The following GRIK2 variants were observed in gnomAD, a reference collection of about 807,000 sequenced individuals.
GRIK2 encodes the protein glutamate ionotropic receptor kainate type subunit 2.
GRIK2 carries 32 observed loss-of-function variants against 100.3 expected under a neutral mutation model. That is an observed-to-expected ratio of 0.32 (90% CI 0.24 to 0.43). GRIK2 has a LOEUF of 0.43. Among genes scored for constraint, GRIK2 ranks in the 20% least tolerant of loss-of-function variants. GRIK2 has a pLI of 1.00. For synonymous variants in GRIK2, 417 were observed against 389.4 expected (o/e 1.07, Z -0.83); for missense variants, 843 against 1,114.9 (o/e 0.76, Z 3.47).
At chr6:101,970,859 A>C (rs1322658684) in intron 14 of GRIK2, among the ~76,000 whole-genome samples, 2 of 150,860 alleles carry the variant, frequency 1.3e-5, no homozygotes, top group Non-Finnish European at 2.9e-5. Flanking sequence ...TTGAAAAAAC[A>C]AATTTTGCAG....
intron 14 of GRIK2, among the ~76,000 whole-genome samples, chr6:102,019,388 T>C (rs1347616183): frequency 6.6e-6 from 1 of 152,038 alleles, no homozygotes; most frequent in East Asian, 1.9e-4. Flanking sequence ...ATGCTAACTG[T>C]AAAATGCACT....
At chr6:101,553,289 G>C (rs1001624683) in intron 2 of GRIK2, among the ~76,000 whole-genome samples, 1 of 152,134 alleles carries the variant, frequency 6.6e-6, no homozygotes, top group Non-Finnish European at 1.5e-5. Flanking sequence ...TAAAAGGTTA[G>C]GGTGTATCAA....
chr6:101,623,769 T>C (rs1310721828), intron 3 of GRIK2, among the ~76,000 whole-genome samples: 1 of 152,188 alleles, frequency 6.6e-6, no homozygotes, highest in East Asian at 1.9e-4. Context: ...CATTTCACTT[T>C]GGCTTGAAGC....
chr6:101,871,609 A>T (rs898520559), intron 11 of GRIK2, among the ~76,000 whole-genome samples: 1 of 151,934 alleles, frequency 6.6e-6, no homozygotes, highest in Non-Finnish European at 1.5e-5. Flanking sequence ...AGCTCCCATT[A>T]TAAGTGAGAA....
chr6:101,695,647 A>G (rs2128349365), intron 7 of GRIK2, among the ~76,000 whole-genome samples: 1 of 152,204 alleles, frequency 6.6e-6, no homozygotes, highest in East Asian at 1.9e-4. Flanking sequence ...TACACTCAGT[A>G]TATGCAAATG....
At chr6:102,026,236 CGA>C (rs1409815500) in intron 14 of GRIK2, among the ~76,000 whole-genome samples, 1 of 147,038 alleles carries the variant, frequency 6.8e-6, no homozygotes, top group African/African-American at 2.5e-5. Context: ...AAACAAGCAA[CGA>C]GAATAAATTC....
chr6:101,781,736 T>A (rs190566665), intron 7 of GRIK2, among the ~76,000 whole-genome samples: 1 of 152,172 alleles, frequency 6.6e-6, no homozygotes, highest in African/African-American at 2.4e-5. Context: ...TATCTTATCC[T>A]TCATATGTTC....
chr6:101,492,515 AT>A (rs1370334332), intron 2 of GRIK2, among the ~76,000 whole-genome samples: 10 of 151,838 alleles, frequency 6.6e-5, no homozygotes, highest in Non-Finnish European at 8.8e-5. Flanking sequence ...AATTAATGTT[AT>A]TATTCTTTTG....
chr6:101,555,619 G>T (rs1184618939), intron 2 of GRIK2, among the ~76,000 whole-genome samples: 1 of 152,102 alleles, frequency 6.6e-6, no homozygotes, highest in African/African-American at 2.4e-5. Flanking sequence ...TCTAAAAAGA[G>T]AATTTATAAA....
chr6:101,719,138 G>GTTTTTTTTTTTTTTTTTTTTTT (rs60301711), intron 7 of GRIK2, among the ~76,000 whole-genome samples: 2 of 101,150 alleles, frequency 2.0e-5, no homozygotes, highest in Admixed American at 1.0e-4. Flanking sequence ...GGCTGCAAGG[G>GTTTTTTTTTTTTTTTTTTTTTT]TTTTTTTTTT....
chr6:101,590,066 A>T (rs1465876703), intron 2 of GRIK2, among the ~76,000 whole-genome samples: 1 of 152,138 alleles, frequency 6.6e-6, no homozygotes, highest in African/African-American at 2.4e-5. Context: ...CTCAGGATAC[A>T]TTTAGGCATA....
chr6:101,722,732 T>A (rs944001070), intron 7 of GRIK2, among the ~76,000 whole-genome samples: 1 of 152,054 alleles, frequency 6.6e-6, no homozygotes, highest in South Asian at 2.1e-4. Flanking sequence ...TAAAATATTA[T>A]GAGATGGTGG....
chr6:101,463,744 T>C (rs1350860271), intron 2 of GRIK2, among the ~76,000 whole-genome samples: 4 of 152,202 alleles, frequency 2.6e-5, no homozygotes, highest in Middle Eastern at 3.4e-3. Flanking sequence ...ATCAGATCAT[T>C]GACACAAGGC....
rs1232960583 is a variant in GRIK2, at chr6:101,703,257, G to A, written c.951+16904G>A. Among the ~76,000 whole-genome samples the A allele has an allele frequency of 2.0e-5, 3 of 151,974 alleles. No homozygotes were observed. In the East Asian group the frequency reaches 5.8e-4, roughly 29 times the overall value. On this transcript the variant is annotated intron_variant, in intron 7 of 16. Transcript: ENST00000369134. ...ATCCAAGGGTATAGTGTGAATAGAG[G>A]AGTGCCAAAGAGTGATCTTAGAAGT...
At chr6:101,838,095 A>G (rs1306289236) in intron 10 of GRIK2, among the ~76,000 whole-genome samples, 1 of 152,144 alleles carries the variant, frequency 6.6e-6, no homozygotes, top group East Asian at 1.9e-4. Context: ...GACACAGAGA[A>G]GAATATGAAC....
chr6:101,948,784 T>G (rs2128478244), intron 14 of GRIK2, among the ~76,000 whole-genome samples: 1 of 151,546 alleles, frequency 6.6e-6, no homozygotes, highest in South Asian at 2.1e-4. Flanking sequence ...CTAAAAAGGG[T>G]TTTAAAGCAA....
intron 4 of GRIK2, among the ~76,000 whole-genome samples, chr6:101,627,411 G>T (rs1347899142): frequency 1.3e-5 from 2 of 151,968 alleles, no homozygotes; most frequent in Non-Finnish European, 2.9e-5. Context: ...CAAACTGCTG[G>T]GATTACAGGT....
intron 4 of GRIK2, among the ~76,000 whole-genome samples, chr6:101,645,757 G>C (rs1781497213): frequency 6.6e-6 from 1 of 151,796 alleles, no homozygotes; most frequent in African/African-American, 2.4e-5. Flanking sequence ...AAAAAAGCTT[G>C]AACTTTATTG....
At chr6:101,787,912 T>C (rs1779543664) in intron 7 of GRIK2, among the ~76,000 whole-genome samples, 1 of 152,120 alleles carries the variant, frequency 6.6e-6, no homozygotes, top group African/African-American at 2.4e-5. Context: ...CCTTAACTAT[T>C]TCTGTATTGT....
Sources: gnomAD v4.1 joint callset for allele counts (sites outside exome capture counted in the v4.1 genomes callset) on GRCh38, gnomAD v4.1.1 for gene constraint, MANE v1.5 for transcripts, NCBI Gene and HGNC (gene_info 2026-07-23, HGNC 2026-07-21) for gene names.